The following NEDD4L variants were observed in gnomAD, a reference collection of about 807,000 sequenced individuals.
The protein encoded by NEDD4L is E3 ubiquitin-protein ligase NEDD4-like.
A neutral mutation model predicts 148.9 loss-of-function variants in NEDD4L; 54 were observed. That is an observed-to-expected ratio of 0.36 (90% CI 0.29 to 0.45). NEDD4L has a LOEUF of 0.45. Ranked by LOEUF, NEDD4L falls within the 20% of genes least tolerant of loss-of-function variation. The pLI, the probability that NEDD4L is intolerant of heterozygous loss-of-function variation, is 1.00. For missense variants in NEDD4L, 856 were observed against 1,233.8 expected, an observed-to-expected ratio of 0.69 and a Z score of 4.59; for synonymous variants, 433 against 440.7, an observed-to-expected ratio of 0.98 and a Z score of 0.22.
chr18:58,268,107 C>T (rs1221994432), intron 5 of NEDD4L, among the ~76,000 whole-genome samples: 5 of 151,942 alleles, frequency 3.3e-5, no homozygotes, highest in African/African-American at 1.2e-4. Flanking sequence ...GATTGATTAC[C>T]CCAACCCCCC....
At chr18:58,044,821 G>A in intron 1 of NEDD4L, 113 bp downstream of exon 1, 1 of 1,370,362 alleles carries the variant, frequency 7.3e-7, no homozygotes, top group Non-Finnish European at 9.8e-7. Flanking sequence ...GTCTGCAGGG[G>A]AGCCCCAAAG....
chr18:58,319,569 T>G (rs1006920616), intron 6 of NEDD4L, among the ~76,000 whole-genome samples: 1 of 152,208 alleles, frequency 6.6e-6, no homozygotes, highest in African/African-American at 2.4e-5. Context: ...ATAGCACTGT[T>G]TGCAGCAGTG....
chr18:58,221,607 A>G, intron 2 of NEDD4L: 1 of 985,470 alleles, frequency 1.0e-6, no homozygotes, highest in South Asian at 4.7e-5. Context: ...CCCCGGTATC[A>G]GCAGAGGTGT....
In NEDD4L at chr18:58,044,571, G is replaced by A; in HGVS notation, c.-90G>A. On this transcript the variant is annotated 5_prime_UTR_variant, in exon 1 of 31. Transcript: ENST00000400345. ...TGCGCAGGGTAGGGTGCGGGACCGG[G>A]GGGACCTGGAGGCAGAGGGGAGAAC... is the stretch of plus-strand genomic sequence containing the variant. The A allele has an allele frequency of 7.0e-7, 1 of 1,425,396 alleles. No homozygotes were observed. 88.3% of individuals were successfully genotyped at this position (1,425,396 alleles called of 1,614,324 possible).
chr18:58,384,913 T>A (rs2048807340), intron 25 of NEDD4L, among the ~76,000 whole-genome samples: 1 of 152,234 alleles, frequency 6.6e-6, no homozygotes. Flanking sequence ...TTAAACACTG[T>A]CGCAGGGAAC....
intron 1 of NEDD4L, among the ~76,000 whole-genome samples, chr18:58,147,031 A>T (rs1438531452): frequency 1.3e-5 from 2 of 152,192 alleles, no homozygotes; most frequent in Non-Finnish European, 2.9e-5. Context: ...CGGGCCCAGG[A>T]TGCGTTCTCA....
chr18:58,134,022 A>T (rs1042135179), intron 1 of NEDD4L, among the ~76,000 whole-genome samples: 3 of 151,996 alleles, frequency 2.0e-5, no homozygotes, highest in Non-Finnish European at 4.4e-5. Context: ...ATTTTTTGAG[A>T]TGGAGTCTTG....
At chr18:58,380,730 C>T (rs1443140283) in intron 24 of NEDD4L, among the ~76,000 whole-genome samples, 3 of 152,182 alleles carry the variant, frequency 2.0e-5, no homozygotes, top group Non-Finnish European at 4.4e-5. Context: ...CCTAGCCCTC[C>T]ACCCCATGAC....
At chr18:58,329,253 A>G in intron 10 of NEDD4L, 126 bp downstream of exon 10, 18 of 1,115,772 alleles carry the variant, frequency 1.6e-5, no homozygotes, top group Non-Finnish European at 2.3e-5. Flanking sequence ...ACAGTGACGC[A>G]GGGAATTAAT....
At chr18:58,279,919 C>T (rs920082155) in intron 5 of NEDD4L, among the ~76,000 whole-genome samples, 1 of 152,138 alleles carries the variant, frequency 6.6e-6, no homozygotes, top group Non-Finnish European at 1.5e-5. Context: ...AGAGAAAAAG[C>T]TCTCTGATTT....
intron 2 of NEDD4L, among the ~76,000 whole-genome samples, chr18:58,241,367 G>A (rs2046611663): frequency 6.6e-6 from 1 of 152,160 alleles, no homozygotes; most frequent in Non-Finnish European, 1.5e-5. Context: ...TTCTCCCTGA[G>A]CCCTCCTGAC....
At chr18:58,180,413 C>A (rs567975551) in intron 2 of NEDD4L, among the ~76,000 whole-genome samples, 1 of 152,086 alleles carries the variant, frequency 6.6e-6, no homozygotes, top group Non-Finnish European at 1.5e-5. Flanking sequence ...CCTTCAGCGC[C>A]GCAAGGGCCA....
chr18:58,246,675 G>A (rs940967561), intron 3 of NEDD4L, among the ~76,000 whole-genome samples: 25 of 152,118 alleles, frequency 1.6e-4, no homozygotes, highest in Admixed American at 6.5e-4. Flanking sequence ...ATGTTGACCA[G>A]GCTGGTCTGG....
intron 1 of NEDD4L, among the ~76,000 whole-genome samples, chr18:58,103,979 C>CA (rs1406826844): frequency 2.0e-5 from 3 of 152,184 alleles, no homozygotes; most frequent in Non-Finnish European, 4.4e-5. Flanking sequence ...GAAATGTATG[C>CA]TTATTCAAAC....
chr18:58,338,999 T>C (rs1238825746), intron 13 of NEDD4L, among the ~76,000 whole-genome samples: 2 of 152,218 alleles, frequency 1.3e-5, no homozygotes, highest in Non-Finnish European at 2.9e-5. Context: ...GACACATCCA[T>C]GTGCTTTCAG....
intron 21 of NEDD4L, 49 bp from the exon 22 acceptor site, chr18:58,367,697 C>G (rs1020889063): frequency 3.1e-6 from 5 of 1,606,852 alleles, no homozygotes; most frequent in Non-Finnish European, 3.4e-6. Context: ...TATGCAAAAT[C>G]TTGCATTTGA....
intron 1 of NEDD4L, among the ~76,000 whole-genome samples, chr18:58,081,212 CT>C (rs34446805): frequency 2.0e-3 from 241 of 120,830 alleles, no homozygotes; most frequent in Middle Eastern, 8.1e-3. Flanking sequence ...GAACACCACC[CT>C]TTTTTTTTTT....
Position 58,396,325 on chromosome 18 carries a change from C to A in NEDD4L, c.*56C>A. ...CAAGCAAGTTCTGCTTGCACTTTTGCATTTGCCTAACAGACTTTTGCAGAG... is the reference window on the plus strand; with the variant it reads ...CAAGCAAGTTCTGCTTGCACTTTTGAATTTGCCTAACAGACTTTTGCAGAG... On this transcript the variant is annotated 3_prime_UTR_variant, in exon 31 of 31. Transcript: ENST00000400345. 1 of 1,232,410 alleles carries A rather than the reference C, an allele frequency of 8.1e-7. No homozygotes were observed. Among genetic ancestry groups the A allele is most frequent in the Non-Finnish European group, 1.2e-6 (1 of 848,598 alleles). 76.3% of individuals were successfully genotyped at this position (1,232,410 alleles called of 1,614,324 possible).
At chr18:58,238,976 T>C (rs1190598164) in intron 2 of NEDD4L, among the ~76,000 whole-genome samples, 1 of 152,246 alleles carries the variant, frequency 6.6e-6, no homozygotes, top group Non-Finnish European at 1.5e-5. Context: ...TTTATAAATG[T>C]TTTATAAGTG....
Sources: allele counts gnomAD v4.1 joint callset (sites outside exome capture counted in the v4.1 genomes callset), GRCh38; gene constraint gnomAD v4.1.1; transcripts MANE v1.5; gene names NCBI Gene and HGNC (gene_info 2026-07-23, HGNC 2026-07-21).